Variants in KIRREL3 observed in about 807,000 individuals in gnomAD.
KIRREL3 encodes kirre like nephrin family adhesion molecule 3.
A neutral mutation model predicts 89.7 loss-of-function variants in KIRREL3; 36 were observed. That is an observed-to-expected ratio of 0.40 (90% CI 0.31 to 0.53). The LOEUF is 0.53. Ranked by LOEUF, KIRREL3 falls within the 20% of genes least tolerant of loss-of-function variation. The probability of loss-of-function intolerance (pLI) is 0.49; values close to 1 mark genes in which losing one functional copy is unlikely to be tolerated. For synonymous variants in KIRREL3, 445 were observed against 441.4 expected, an observed-to-expected ratio of 1.01 and a Z score of -0.10; for missense variants, 864 against 1,056.6, an observed-to-expected ratio of 0.82 and a Z score of 2.53.
intron 15 of KIRREL3, among the ~76,000 whole-genome samples, 162 bp from the exon 16 acceptor site, chr11:126,425,886 C>G (rs940326975): frequency 6.6e-6 from 1 of 152,192 alleles, no homozygotes; most frequent in East Asian, 1.9e-4. Flanking sequence ...TCCTGGAGCC[C>G]CATCCTAGGA....
At position 126,990,359 on chromosome 11, in the gene KIRREL3, C is replaced by T. The variant is rs961528145; in HGVS notation, c.55+10096G>A. Among the ~76,000 whole-genome samples the T allele has an allele frequency of 1.5e-4, 23 of 152,310 alleles. No individual in the cohort carries two copies. The highest frequency in any genetic ancestry group is 8.3e-4 in the South Asian group (4 of 4,818). On this transcript the variant is annotated intron_variant, in intron 1 of 16. Transcript: ENST00000525144. The surrounding 1 kb of genome is among the most constrained non-coding windows in gnomAD (Gnocchi z 6.3). ...ACCCTGCAGAATCAGGAGAGAGGAA[C>T]CCGCCTCCTGCGAGAGCCGCCGCCA...
chr11:126,889,668 C>T (rs924114099), intron 1 of KIRREL3, among the ~76,000 whole-genome samples: 3 of 152,280 alleles, frequency 2.0e-5, no homozygotes, highest in East Asian at 1.9e-4. Context: ...AGTTTCAGTA[C>T]GTTTTATTGG....
In KIRREL3 at chr11:127,000,498, G is replaced by A. The variant is rs773977920; in HGVS notation, c.12C>T (p.Phe4=). Residue 4 remains phenylalanine (F), a synonymous_variant, in exon 1 of 17, where the codon TTC becomes TTT. Transcript: ENST00000525144. The surrounding 1 kb of genome is among the most constrained non-coding windows in gnomAD (Gnocchi z 7.1). ...AGCAGACGAAGAGCAGATCGAGCTG[G>A]AAGGGTTTCATTCCTTAGCGCAGCG... MKP[F]QLDLLFVCFF... 2 of 1,607,646 alleles carry A rather than the reference G, an allele frequency of 1.2e-6. No homozygotes were observed. Among genetic ancestry groups the A allele is most frequent in the Non-Finnish European group, 1.7e-6 (2 of 1,177,082 alleles).
In KIRREL3 at chr11:126,667,274, T is replaced by G. The variant is rs112936232; in HGVS notation, c.56-104362A>C. Among the ~76,000 whole-genome samples, 543 of 152,354 alleles carry G rather than the reference T, an allele frequency of 3.6e-3. 7 individuals are homozygous for G. Among genetic ancestry groups the G allele is most frequent in the African/African-American group, 0.013 (524 of 41,574 alleles). ...ACACAATTTCCAGTTGCAAATATCTTTCAGAAGTACTGTACACACACAGTT... is the reference window on the plus strand; with the variant it reads ...ACACAATTTCCAGTTGCAAATATCTGTCAGAAGTACTGTACACACACAGTT... On this transcript the variant is annotated intron_variant, in intron 1 of 16. Coordinates refer to ENST00000525144, the MANE Select transcript of KIRREL3 (RefSeq NM_032531.4).
intron 4 of KIRREL3, among the ~76,000 whole-genome samples, chr11:126,509,893 A>G (rs58882773): frequency 0.03 from 4,354 of 146,180 alleles, 254 homozygotes; most frequent in African/African-American, 0.1. Context: ...GGAGATTCGC[A>G]GGAGAATCAC....
At position 126,723,912 on chromosome 11, in the gene KIRREL3, G is replaced by A. The variant is rs977972037; in HGVS notation, c.56-161000C>T. 6.6e-6 allele frequency among the ~76,000 whole-genome samples: 1 copy of A among 152,094 alleles called. No individual in the cohort carries two copies. The highest frequency in any genetic ancestry group is 1.5e-5 in the Non-Finnish European group (1 of 68,020). ...TTTTCTCTCTGCCTAGGGTTTTTAG[G>A]AATTTTCTTCTATTCAAGATCATAA... On this transcript the variant is annotated intron_variant, in intron 1 of 16. Transcript: ENST00000525144. This position sits in a 1 kb window ranked among gnomAD's most constrained non-coding sequence, Gnocchi z 4.0.
intron 1 of KIRREL3, among the ~76,000 whole-genome samples, chr11:126,862,937 C>T (rs543645473): frequency 3.3e-5 from 5 of 152,318 alleles, no homozygotes; most frequent in East Asian, 3.9e-4. Context: ...ACAGAGAGCC[C>T]AAGCATCACA....
intron 1 of KIRREL3, among the ~76,000 whole-genome samples, chr11:126,816,353 C>A (rs926060544): frequency 6.6e-6 from 1 of 152,176 alleles, no homozygotes; most frequent in Non-Finnish European, 1.5e-5. Flanking sequence ...AGACTTCTTT[C>A]CGAGTTTACG....
chr11:126,938,101 T>C (rs1948284824), intron 1 of KIRREL3, among the ~76,000 whole-genome samples: 1 of 152,258 alleles, frequency 6.6e-6, no homozygotes, highest in Admixed American at 6.5e-5. Flanking sequence ...TATACCATTG[T>C]GGTTGGGTTT....
chr11:126,737,423 G>A (rs976475886), intron 1 of KIRREL3, among the ~76,000 whole-genome samples: 2 of 152,170 alleles, frequency 1.3e-5, no homozygotes, highest in Non-Finnish European at 2.9e-5. Context: ...ATCACTGCCC[G>A]GGCAGTCTCC....
rs1435296722 is a variant in KIRREL3, at chr11:126,530,721, T to C, written c.134-4034A>G. ...TGGAGATGTGACACACCCAGCACCT[T>C]CCACCGGCCCAGGGTTTCCATCTTC... On this transcript the variant is annotated intron_variant, in intron 2 of 16. Coordinates refer to ENST00000525144, the MANE Select transcript of KIRREL3 (RefSeq NM_032531.4). The surrounding 1 kb of genome is among the most constrained non-coding windows in gnomAD (Gnocchi z 5.8). 6.6e-6 allele frequency among the ~76,000 whole-genome samples: 1 copy of C among 152,186 alleles called. No homozygotes were observed. Among genetic ancestry groups the C allele is most frequent in the Admixed American group, 6.5e-5 (1 of 15,280 alleles).
At position 126,696,260 on chromosome 11, in the gene KIRREL3, T is replaced by TA. The variant is rs569075769; in HGVS notation, c.56-133349dup. Among the ~76,000 whole-genome samples, 699 of 130,666 alleles carry TA rather than the reference T, an allele frequency of 5.3e-3. 4 individuals are homozygous for TA. Among genetic ancestry groups the TA allele is most frequent in the East Asian group, 0.025 (114 of 4,520 alleles). The allele number at this position is 130,666 out of a possible 152,430, so 85.7% of individuals were successfully genotyped here. On this transcript the variant is annotated intron_variant, in intron 1 of 16. Transcript: ENST00000525144. This position sits in a 1 kb window ranked among gnomAD's most constrained non-coding sequence, Gnocchi z 4.4. Reference sequence around the variant, plus strand: ...CCACTGAGCGAGACTCTATCTCAATTAAAAAAAAAAAAAAAAGCCTGGATG... The same window carrying TA: ...CCACTGAGCGAGACTCTATCTCAATTAAAAAAAAAAAAAAAAAGCCTGGATG...
intron 1 of KIRREL3, among the ~76,000 whole-genome samples, chr11:126,794,073 A>G (rs1950728741): frequency 6.6e-6 from 1 of 152,266 alleles, no homozygotes; most frequent in Non-Finnish European, 1.5e-5. Context: ...TGAAAATATT[A>G]TAGTATGCTT....
intron 1 of KIRREL3, among the ~76,000 whole-genome samples, chr11:126,798,084 C>A (rs1950869744): frequency 6.6e-6 from 1 of 152,134 alleles, no homozygotes; most frequent in East Asian, 1.9e-4. Flanking sequence ...TTGCACCCAC[C>A]ACAGCCAGGT....
chr11:126,512,647 C>T (rs930873537), intron 4 of KIRREL3, among the ~76,000 whole-genome samples: 3 of 152,148 alleles, frequency 2.0e-5, no homozygotes, highest in East Asian at 1.9e-4. Flanking sequence ...GGCAGACACC[C>T]GAGGATCGAG....
chr11:126,951,505 G>T (rs1408119920), intron 1 of KIRREL3, among the ~76,000 whole-genome samples: 3 of 152,268 alleles, frequency 2.0e-5, no homozygotes, highest in East Asian at 1.9e-4. Context: ...ATTATCGGGG[G>T]TATCTGCTGC....
chr11:126,515,115 G>A lies in KIRREL3; in HGVS notation c.433+6200C>T, dbSNP rs1958367304. On this transcript the variant is annotated intron_variant, in intron 4 of 16. Transcript: ENST00000525144. This position sits in a 1 kb window ranked among gnomAD's most constrained non-coding sequence, Gnocchi z 4.2. Reference sequence around the variant, plus strand: ...AGTTACTCTCAACATAGCGTGTCGAGACCTGTAATCAAGGTGCATAAGGAG... The same window carrying A: ...AGTTACTCTCAACATAGCGTGTCGAAACCTGTAATCAAGGTGCATAAGGAG... 6.6e-6 allele frequency among the ~76,000 whole-genome samples: 1 copy of A among 152,170 alleles called. No individual in the cohort carries two copies. Among genetic ancestry groups the A allele is most frequent in the African/African-American group, 2.4e-5 (1 of 41,434 alleles).
At chr11:126,992,299 C>G (rs1038289484) in intron 1 of KIRREL3, among the ~76,000 whole-genome samples, 13 of 152,198 alleles carry the variant, frequency 8.5e-5, no homozygotes, top group African/African-American at 3.1e-4. Flanking sequence ...ACCCATTTCT[C>G]AGGAATTGAC....
At chr11:126,895,334 G>A (rs1946106666) in intron 1 of KIRREL3, among the ~76,000 whole-genome samples, 1 of 151,718 alleles carries the variant, frequency 6.6e-6, no homozygotes, top group South Asian at 2.1e-4. Flanking sequence ...ATGGTGGAGG[G>A]CACCAGTAAT....
Sources: allele counts gnomAD v4.1 joint callset (sites outside exome capture counted in the v4.1 genomes callset), GRCh38; gene constraint gnomAD v4.1.1; non-coding constraint Gnocchi (gnomAD v3.1); transcripts MANE v1.5; gene names NCBI Gene and HGNC (gene_info 2026-07-23, HGNC 2026-07-21).